Variants in NELL1 observed in about 807,000 individuals in gnomAD.
NELL1 encodes the protein protein kinase C-binding protein NELL1.
A neutral mutation model predicts 107.4 loss-of-function variants in NELL1; 76 were observed. The observed-to-expected ratio is 0.71, with a 90% CI of 0.59 to 0.86. The LOEUF (loss-of-function observed/expected upper bound fraction) is 0.86, where lower values mean the gene tolerates loss of function less well. NELL1 is among the 40% of genes least tolerant of loss of function. The pLI is 0.00. For synonymous variants in NELL1, 353 were observed against 341.2 expected (o/e 1.03, Z -0.38); for missense variants, 1,024 against 1,005.5 (o/e 1.02, Z -0.25).
chr11:21,476,646 C>T (rs773576141), intron 15 of NELL1, among the ~76,000 whole-genome samples: 1 of 152,092 alleles, frequency 6.6e-6, no homozygotes, highest in Non-Finnish European at 1.5e-5. Context: ...TGAGTGATCA[C>T]AGTACCTAGT....
intron 15 of NELL1, among the ~76,000 whole-genome samples, chr11:21,439,038 T>C (rs191912339): frequency 2.2e-4 from 33 of 147,586 alleles, no homozygotes; most frequent in Non-Finnish European, 4.0e-4. Context: ...AAGCTTAGAG[T>C]TGAGGTAGGA....
chr11:21,411,097 AT>A (rs1852366308), intron 15 of NELL1, among the ~76,000 whole-genome samples: 2 of 152,088 alleles, frequency 1.3e-5, no homozygotes, highest in Non-Finnish European at 2.9e-5. Flanking sequence ...CAAGGGAGAT[AT>A]AGCACTTTTG....
intron 12 of NELL1, among the ~76,000 whole-genome samples, chr11:21,041,511 C>G (rs892003565): frequency 1.3e-5 from 2 of 152,076 alleles, no homozygotes; most frequent in East Asian, 3.9e-4. Flanking sequence ...TTTCATGATG[C>G]TCACAACCAC....
intron 12 of NELL1, among the ~76,000 whole-genome samples, chr11:21,111,596 GT>G (rs1194853069): frequency 1.3e-5 from 2 of 152,038 alleles, no homozygotes; most frequent in Non-Finnish European, 2.9e-5. Flanking sequence ...GGGGGCCCAG[GT>G]TGAAAGAGTC....
intron 13 of NELL1, among the ~76,000 whole-genome samples, chr11:21,140,542 C>T (rs1046785350): frequency 1.3e-5 from 2 of 152,162 alleles, no homozygotes; most frequent in African/African-American, 4.8e-5. Flanking sequence ...TTGACCATCA[C>T]TAGCTTTGGA....
intron 13 of NELL1, among the ~76,000 whole-genome samples, chr11:21,124,277 C>A (rs7943792): frequency 2.0e-5 from 3 of 151,882 alleles, no homozygotes; most frequent in Admixed American, 6.6e-5. Flanking sequence ...TAAATGTTAC[C>A]TCAGTAAATT....
rs115412418 is a variant in NELL1 at position 21,370,878 on chromosome 11, C to G, written c.1575C>G (p.Tyr525Ter). ...CTTTCTGTGAAGAGGGCTGCAGATA[C>G]GGTGGAACGTGTGTGGCTCCCAACA... ...CRAFCEEGCR[Y>*]GGTCVAPNKC... The change falls in exon 15 of 20, where the codon TAC becomes TAG. Residue 525 changes from tyrosine to a stop codon, truncating the protein, a stop_gained. Transcript: ENST00000357134. LOFTEE classifies it high-confidence loss of function. 6.2e-7 allele frequency: 1 copy of G among 1,611,732 alleles called. No homozygotes were observed. The highest frequency in any genetic ancestry group is 8.5e-7 in the Non-Finnish European group (1 of 1,178,788).
At chr11:20,715,367 G>T (rs531944486) in intron 2 of NELL1, among the ~76,000 whole-genome samples, 2 of 150,992 alleles carry the variant, frequency 1.3e-5, no homozygotes, top group Non-Finnish European at 2.9e-5. Context: ...CCTTCTGTCA[G>T]CCTTCCTATA....
In NELL1 at chr11:21,222,777, C is replaced by T. The variant is rs557507690; in HGVS notation, c.1427-6555C>T. Among the ~76,000 whole-genome samples the T allele has an allele frequency of 3.0e-3, 461 of 152,136 alleles. 1 individual carries two copies. The highest frequency in any genetic ancestry group is 5.3e-3 in the Non-Finnish European group (359 of 67,982). Reference sequence around the variant, plus strand: ...ATTTTTATGATTTCCATCTTAATTTCTTCATTGACCCAGTGGTCATTCAGG... The same window carrying T: ...ATTTTTATGATTTCCATCTTAATTTTTTCATTGACCCAGTGGTCATTCAGG... On this transcript the variant is annotated intron_variant, in intron 13 of 19. Transcript: ENST00000357134.
At chr11:21,159,817 T>G (rs1856322552) in intron 13 of NELL1, among the ~76,000 whole-genome samples, 1 of 152,240 alleles carries the variant, frequency 6.6e-6, no homozygotes, top group African/African-American at 2.4e-5. Flanking sequence ...ACCCACTATC[T>G]GTTCTCCCCT....
At chr11:21,243,881 A>G (rs893060036) in intron 14 of NELL1, among the ~76,000 whole-genome samples, 14 of 152,086 alleles carry the variant, frequency 9.2e-5, no homozygotes, top group South Asian at 2.1e-4. Context: ...ACCCTTAAGC[A>G]CACAAAGGGG....
intron 12 of NELL1, among the ~76,000 whole-genome samples, chr11:21,066,554 A>G (rs1375834291): frequency 6.6e-6 from 1 of 152,220 alleles, no homozygotes; most frequent in African/African-American, 2.4e-5. Flanking sequence ...TCAGCTCACT[A>G]ATCTGTGAAA....
chr11:21,178,925 G>T (rs1260491465), intron 13 of NELL1, among the ~76,000 whole-genome samples: 1 of 151,744 alleles, frequency 6.6e-6, no homozygotes, highest in East Asian at 1.9e-4. Flanking sequence ...GGAAAGAATG[G>T]CTTTGATATT....
intron 4 of NELL1, among the ~76,000 whole-genome samples, chr11:20,858,255 C>T (rs976307370): frequency 6.6e-6 from 1 of 152,126 alleles, no homozygotes; most frequent in African/African-American, 2.4e-5. Context: ...TAAGGAAGTG[C>T]ACCCCCCTAT....
chr11:21,530,274 T>A (rs1430727058), intron 15 of NELL1, among the ~76,000 whole-genome samples: 3 of 152,122 alleles, frequency 2.0e-5, no homozygotes, highest in Non-Finnish European at 2.9e-5. Context: ...AAAGTACCTC[T>A]TTGAAAATAA....
intron 15 of NELL1, among the ~76,000 whole-genome samples, chr11:21,371,496 C>T (rs1851357705): frequency 6.6e-6 from 1 of 152,058 alleles, no homozygotes; most frequent in African/African-American, 2.4e-5. Context: ...GTGCAACTTT[C>T]TATTTGCAAT....
intron 4 of NELL1, among the ~76,000 whole-genome samples, chr11:20,855,713 G>A (rs2134067251): frequency 6.6e-6 from 1 of 152,126 alleles, no homozygotes; most frequent in Non-Finnish European, 1.5e-5. Context: ...GAAAAGCAAG[G>A]AAAGAAAGTA....
chr11:21,414,288 A>G lies in NELL1; in HGVS notation c.1645+43340A>G, dbSNP rs146789277. ...AACTGATGGAACTGATGGTACTTAT[A>G]GCAACATGATGTGCTATGCAGGGTG... is the stretch of plus-strand genomic sequence containing the variant. On this transcript the variant is annotated intron_variant, in intron 15 of 19. Coordinates refer to ENST00000357134, the MANE Select transcript of NELL1 (RefSeq NM_006157.5). Among the ~76,000 whole-genome samples, 65 of 152,222 alleles carry G rather than the reference A, an allele frequency of 4.3e-4. No individual in the cohort carries two copies. In the South Asian group the frequency reaches 7.1e-3, roughly 17 times the overall value.
At chr11:21,027,592 G>A (rs1421206806) in intron 12 of NELL1, among the ~76,000 whole-genome samples, 3 of 152,100 alleles carry the variant, frequency 2.0e-5, no homozygotes, top group African/African-American at 7.2e-5. Context: ...TCTCAAGGAT[G>A]TTGATGGGAT....
Sources: allele counts gnomAD v4.1 joint callset (sites outside exome capture counted in the v4.1 genomes callset), GRCh38; gene constraint gnomAD v4.1.1; transcripts MANE v1.5; gene names NCBI Gene and HGNC (gene_info 2026-07-23, HGNC 2026-07-21).